Variants in GRID2 observed in about 807,000 individuals in gnomAD.
The protein encoded by GRID2 is glutamate ionotropic receptor delta type subunit 2.
GRID2 carries 33 observed loss-of-function variants against 114.8 expected under a neutral mutation model. The ratio of observed to expected loss-of-function variants is 0.29; its 90% CI spans 0.22 to 0.38. GRID2 has a LOEUF of 0.38. Ranked by LOEUF, GRID2 falls within the 10% of genes least tolerant of loss-of-function variation. The pLI is 1.00. For synonymous variants in GRID2, 505 were observed against 449.9 expected, an observed-to-expected ratio of 1.12 and a Z score of -1.55; for missense variants, 1,184 against 1,257.7, an observed-to-expected ratio of 0.94 and a Z score of 0.89.
At chr4:92,966,168 G>A (rs966834659) in intron 2 of GRID2, among the ~76,000 whole-genome samples, 1 of 151,892 alleles carries the variant, frequency 6.6e-6, no homozygotes, top group African/African-American at 2.4e-5. Context: ...CAAAGGGCAA[G>A]GCCTCTGCCC....
chr4:92,449,574 C>T (rs1477327729), intron 1 of GRID2, among the ~76,000 whole-genome samples: 1 of 148,314 alleles, frequency 6.7e-6, no homozygotes, highest in Non-Finnish European at 1.5e-5. Context: ...ATAATAATAA[C>T]TCTGTCATAA....
intron 12 of GRID2, among the ~76,000 whole-genome samples, chr4:93,500,019 G>T (rs150255398): frequency 9.9e-5 from 15 of 151,894 alleles, no homozygotes; most frequent in Non-Finnish European, 1.8e-4. Flanking sequence ...ATCCATAAGG[G>T]TTACTATAAA....
At chr4:92,793,845 G>T (rs1166716655) in intron 2 of GRID2, among the ~76,000 whole-genome samples, 7 of 151,846 alleles carry the variant, frequency 4.6e-5, no homozygotes, top group Non-Finnish European at 1.5e-5. Context: ...TCATTAAAAT[G>T]TTGCAGACAA....
intron 1 of GRID2, among the ~76,000 whole-genome samples, chr4:92,520,535 G>A (rs148252309): frequency 6.5e-4 from 99 of 152,020 alleles, no homozygotes; most frequent in African/African-American, 2.2e-3. Flanking sequence ...TTACCAGGTG[G>A]AGTGACCTAA....
chr4:92,609,114 G>A (rs184331569), intron 2 of GRID2, among the ~76,000 whole-genome samples: 136 of 151,844 alleles, frequency 9.0e-4, no homozygotes, highest in Non-Finnish European at 1.4e-3. Flanking sequence ...ATGTTGGTAT[G>A]CTTACTTTCT....
At chr4:92,640,824 TA>T (rs200396753) in intron 2 of GRID2, among the ~76,000 whole-genome samples, 21 of 151,470 alleles carry the variant, frequency 1.4e-4, no homozygotes, top group East Asian at 5.8e-4. Context: ...TCATATAAAA[TA>T]AAAAAAACAA....
At chr4:93,037,859 A>G (rs1388778789) in intron 2 of GRID2, among the ~76,000 whole-genome samples, 2 of 152,138 alleles carry the variant, frequency 1.3e-5, no homozygotes, top group African/African-American at 2.4e-5. Flanking sequence ...TATAGTTTGA[A>G]GTTAGGTAGC....
At position 93,335,694 on chromosome 4, in the gene GRID2, C is replaced by CTTT. The variant is rs55823712; in HGVS notation, c.1246-59903_1246-59901dup. ...TTCTCTCTCTCTTTCTTTCTTCTTT[C>CTTT]TTTTTTTTTTTTGAGACAGGGTCTC... On this transcript the variant is annotated intron_variant, in intron 8 of 15. Coordinates refer to ENST00000282020, the MANE Select transcript of GRID2 (RefSeq NM_001510.4). Among the ~76,000 whole-genome samples the CTTT allele has an allele frequency of 7.6e-4, 108 of 141,740 alleles. 5 individuals carry two copies. Among genetic ancestry groups the CTTT allele is most frequent in the African/African-American group, 2.2e-3 (82 of 37,246 alleles). The allele number at this position is 141,740 out of a possible 152,430, so 93.0% of individuals were successfully genotyped here.
intron 4 of GRID2, among the ~76,000 whole-genome samples, chr4:93,190,604 C>T (rs1268814102): frequency 3.3e-5 from 5 of 151,970 alleles, no homozygotes; most frequent in Non-Finnish European, 7.4e-5. Flanking sequence ...GAAATGTTTC[C>T]TTTTTAAGTT....
chr4:92,663,454 C>G (rs529194729), intron 2 of GRID2, among the ~76,000 whole-genome samples: 4 of 151,190 alleles, frequency 2.6e-5, no homozygotes, highest in African/African-American at 9.7e-5. Context: ...TAGGGTCATT[C>G]TTTCTGTAGG....
In GRID2 at chr4:92,309,751, AT is replaced by A. The variant is rs557368307; in HGVS notation, c.88+5015del. On this transcript the variant is annotated intron_variant, in intron 1 of 15. Coordinates refer to ENST00000282020, the MANE Select transcript of GRID2 (RefSeq NM_001510.4). Reference sequence around the variant, plus strand: ...TTAGATTGCTAGACCTAGTGATACAATTTTTTTTCTTATATTTAAAATAGGA... The same window carrying A: ...TTAGATTGCTAGACCTAGTGATACAATTTTTTTCTTATATTTAAAATAGGA... Among the ~76,000 whole-genome samples the A allele has an allele frequency of 3.3e-5, 5 of 151,892 alleles. No individual in the cohort carries two copies. The South Asian group carries it at 8.3e-4, about 25-fold the overall frequency.
chr4:92,883,451 C>A (rs80246581), intron 2 of GRID2, among the ~76,000 whole-genome samples: 1 of 152,164 alleles, frequency 6.6e-6, no homozygotes, highest in Admixed American at 6.5e-5. Context: ...CTTTCATGAA[C>A]CATGAATGTT....
At chr4:92,559,194 T>G (rs577182285) in intron 1 of GRID2, among the ~76,000 whole-genome samples, 1 of 152,278 alleles carries the variant, frequency 6.6e-6, no homozygotes, top group African/African-American at 2.4e-5. Flanking sequence ...TATGTAACAT[T>G]TACTAATATA....
intron 11 of GRID2, among the ~76,000 whole-genome samples, chr4:93,489,318 G>A (rs532883974): frequency 6.6e-6 from 1 of 151,972 alleles, no homozygotes; most frequent in African/African-American, 2.4e-5. Context: ...AAGGGCCCTG[G>A]GACATATATC....
chr4:93,116,302 A>T (rs912671416), intron 4 of GRID2, among the ~76,000 whole-genome samples: 1 of 152,162 alleles, frequency 6.6e-6, no homozygotes, highest in Admixed American at 6.6e-5. Flanking sequence ...TGTTGGAAGC[A>T]CGTATTTTCT....
At chr4:93,103,311 G>A (rs894201040) in intron 3 of GRID2, among the ~76,000 whole-genome samples, 1 of 151,938 alleles carries the variant, frequency 6.6e-6, no homozygotes, top group Non-Finnish European at 1.5e-5. Flanking sequence ...TGTTATTCCC[G>A]AGAGCAGTCC....
At chr4:93,158,212 C>T (rs549579934) in intron 4 of GRID2, among the ~76,000 whole-genome samples, 3 of 151,812 alleles carry the variant, frequency 2.0e-5, no homozygotes, top group South Asian at 2.1e-4. Flanking sequence ...TGCTGCAATT[C>T]GTTATGCAGG....
chr4:93,175,046 C>T (rs143401702), intron 4 of GRID2, among the ~76,000 whole-genome samples: 1,588 of 152,278 alleles, frequency 0.01, 10 homozygotes, highest in Non-Finnish European at 0.017. Context: ...AACTGCCATA[C>T]ACTTTTTCTT....
chr4:93,173,233 C>G (rs1227452028), intron 4 of GRID2, among the ~76,000 whole-genome samples: 1 of 151,998 alleles, frequency 6.6e-6, no homozygotes, highest in Non-Finnish European at 1.5e-5. Context: ...CAGTCAGATT[C>G]AAGAGAGGTT....
Sources: gnomAD v4.1 joint callset for allele counts (sites outside exome capture counted in the v4.1 genomes callset) on GRCh38, gnomAD v4.1.1 for gene constraint, MANE v1.5 for transcripts, NCBI Gene and HGNC (gene_info 2026-07-23, HGNC 2026-07-21) for gene names.